The following CACNA2D3 variants were observed in gnomAD, a reference collection of about 807,000 sequenced individuals.
CACNA2D3 encodes the protein voltage-dependent calcium channel subunit alpha-2/delta-3.
CACNA2D3 carries 60 observed loss-of-function variants against 160.6 expected under a neutral mutation model. That is an observed-to-expected ratio of 0.37 (90% CI 0.30 to 0.46). CACNA2D3 has a LOEUF of 0.46. Ranked by LOEUF, CACNA2D3 falls within the 20% of genes least tolerant of loss-of-function variation. The pLI is 1.00. For synonymous variants in CACNA2D3, 558 were observed against 492.9 expected (o/e 1.13, Z -1.75); for missense variants, 1,205 against 1,365.0 (o/e 0.88, Z 1.85).
At chr3:54,770,348 G>A (rs1055437473) in intron 13 of CACNA2D3, among the ~76,000 whole-genome samples, 2 of 152,084 alleles carry the variant, frequency 1.3e-5, no homozygotes, top group East Asian at 1.9e-4. Flanking sequence ...CCAAAGATTC[G>A]TTTGATGAAT....
At chr3:54,650,507 G>A (rs1489373672) in intron 11 of CACNA2D3, among the ~76,000 whole-genome samples, 3 of 152,190 alleles carry the variant, frequency 2.0e-5, no homozygotes, top group South Asian at 2.1e-4. Flanking sequence ...GGGATTACAC[G>A]TGTGTGCCAC....
intron 14 of CACNA2D3, among the ~76,000 whole-genome samples, chr3:54,827,149 G>A (rs1011353664): frequency 1.3e-5 from 2 of 152,162 alleles, no homozygotes; most frequent in African/African-American, 4.8e-5. Context: ...CACAGGCTCT[G>A]GCATCAGGTA....
At chr3:54,588,134 G>C (rs928846891) in intron 9 of CACNA2D3, among the ~76,000 whole-genome samples, 8 of 152,274 alleles carry the variant, frequency 5.3e-5, no homozygotes, top group African/African-American at 1.9e-4. Context: ...GGATTATTGA[G>C]ATATGCAAAG....
intron 27 of CACNA2D3, among the ~76,000 whole-genome samples, chr3:54,908,164 A>C (rs13321718): frequency 0.018 from 2,788 of 152,300 alleles, 82 homozygotes; most frequent in African/African-American, 0.064. Flanking sequence ...CCATTTTACA[A>C]CACCACCAGC....
intron 17 of CACNA2D3, among the ~76,000 whole-genome samples, chr3:54,853,759 G>T (rs753840747): frequency 2.0e-5 from 3 of 152,132 alleles, no homozygotes; most frequent in Non-Finnish European, 2.9e-5. Context: ...GGAGGTGGGG[G>T]AGGACTGCAC....
chr3:54,615,252 C>T (rs189462147), intron 9 of CACNA2D3, among the ~76,000 whole-genome samples: 143 of 152,232 alleles, frequency 9.4e-4, no homozygotes, highest in Non-Finnish European at 1.2e-3. Context: ...GAGACTACTA[C>T]TCATTTGTTG....
At position 54,729,807 on chromosome 3, in the gene CACNA2D3, G is replaced by C. The variant is rs754740825; in HGVS notation, c.1168-22792G>C. Among the ~76,000 whole-genome samples, 3 of 152,094 alleles carry C rather than the reference G, an allele frequency of 2.0e-5. No homozygotes were observed. In the East Asian group the frequency reaches 5.8e-4, roughly 29 times the overall value. On this transcript the variant is annotated intron_variant, in intron 11 of 37. Coordinates refer to ENST00000474759, the MANE Select transcript of CACNA2D3 (RefSeq NM_018398.3). ...GAGGTCAGGAGATTGAGACCATCCC[G>C]CCTAACATGTTGAAACCCCATCTCT...
At chr3:54,819,435 T>C (rs1225285723) in intron 14 of CACNA2D3, among the ~76,000 whole-genome samples, 1 of 152,194 alleles carries the variant, frequency 6.6e-6, no homozygotes, top group African/African-American at 2.4e-5. Flanking sequence ...CAGTCATATC[T>C]GAGGGGTGGT....
At chr3:54,364,049 A>G (rs1285800717) in intron 3 of CACNA2D3, among the ~76,000 whole-genome samples, 3 of 152,160 alleles carry the variant, frequency 2.0e-5, no homozygotes, top group Non-Finnish European at 4.4e-5. Flanking sequence ...TGATTAGAAC[A>G]TTATGGCGCC....
chr3:54,251,067 G>A (rs1233554313), intron 2 of CACNA2D3, among the ~76,000 whole-genome samples: 1 of 152,192 alleles, frequency 6.6e-6, no homozygotes, highest in African/African-American at 2.4e-5. Flanking sequence ...CTCAGCCATA[G>A]ACTCTTAGGG....
chr3:54,817,717 G>C (rs1242453098), intron 14 of CACNA2D3, among the ~76,000 whole-genome samples: 1 of 152,186 alleles, frequency 6.6e-6, no homozygotes, highest in African/African-American at 2.4e-5. Context: ...TTCTCATTGA[G>C]AGAGAGCACA....
intron 5 of CACNA2D3, among the ~76,000 whole-genome samples, chr3:54,529,120 A>G (rs1159234185): frequency 6.6e-6 from 1 of 152,252 alleles, no homozygotes; most frequent in Non-Finnish European, 1.5e-5. Flanking sequence ...AAATGACAGC[A>G]CAGGGGTGCC....
chr3:54,460,836 G>A (rs1700489912), intron 4 of CACNA2D3, among the ~76,000 whole-genome samples: 1 of 152,124 alleles, frequency 6.6e-6, no homozygotes, highest in African/African-American at 2.4e-5. Flanking sequence ...GTGAGAGAGG[G>A]CATCCCTGTC....
intron 9 of CACNA2D3, among the ~76,000 whole-genome samples, chr3:54,618,329 G>A (rs954002002): frequency 7.7e-6 from 1 of 130,614 alleles, no homozygotes; most frequent in Non-Finnish European, 1.6e-5. Flanking sequence ...ACTGGTCAAA[G>A]TTCAAATTGA....
chr3:54,533,798 TGTGTGTG>T (rs1701843437), intron 5 of CACNA2D3, among the ~76,000 whole-genome samples: 1 of 1,658 alleles, frequency 6.0e-4, no homozygotes, highest in Non-Finnish European at 1.9e-3. Context: ...GAAAATAGTG[TGTGTGTG>T]TGTGTGTGTG....
At chr3:54,721,456 G>C (rs1194910985) in intron 11 of CACNA2D3, among the ~76,000 whole-genome samples, 1 of 151,910 alleles carries the variant, frequency 6.6e-6, no homozygotes, top group Non-Finnish European at 1.5e-5. Flanking sequence ...ATTTTTTTCA[G>C]TTCTTTAAAG....
Position 54,190,189 on chromosome 3 carries a change from G to A in CACNA2D3, c.204+66595G>A, listed in dbSNP as rs1027621048. Among the ~76,000 whole-genome samples, 3 of 152,278 alleles carry A rather than the reference G, an allele frequency of 2.0e-5. No individual in the cohort carries two copies. In the East Asian group the frequency reaches 5.8e-4, roughly 29 times the overall value. On this transcript the variant is annotated intron_variant, in intron 2 of 37. Coordinates refer to ENST00000474759, the MANE Select transcript of CACNA2D3 (RefSeq NM_018398.3). ...CCTCATGATCTAATCATCCTCCAAAGGCCCTGCTTCCTAATACCATCACTT... is the reference window on the plus strand; with the variant it reads ...CCTCATGATCTAATCATCCTCCAAAAGCCCTGCTTCCTAATACCATCACTT...
intron 11 of CACNA2D3, among the ~76,000 whole-genome samples, chr3:54,719,841 C>T (rs1297645915): frequency 6.6e-6 from 1 of 152,018 alleles, no homozygotes; most frequent in Non-Finnish European, 1.5e-5. Flanking sequence ...ACTATTCTGA[C>T]TTTAACATTT....
At chr3:54,240,867 G>A (rs904360076) in intron 2 of CACNA2D3, among the ~76,000 whole-genome samples, 1 of 151,846 alleles carries the variant, frequency 6.6e-6, no homozygotes, top group Non-Finnish European at 1.5e-5. Context: ...TCAGCCTTCC[G>A]AGTAGCTGGG....
Sources: gnomAD v4.1 joint callset for allele counts (sites outside exome capture counted in the v4.1 genomes callset) on GRCh38, gnomAD v4.1.1 for gene constraint, MANE v1.5 for transcripts, NCBI Gene and HGNC (gene_info 2026-07-23, HGNC 2026-07-21) for gene names.